COL27A1: variants seen among roughly 807,000 people sequenced by gnomAD.
COL27A1 encodes collagen alpha-1(XXVII) chain.
A neutral mutation model predicts 251.3 loss-of-function variants in COL27A1; 106 were observed. The observed-to-expected ratio is 0.42, with a 90% CI of 0.36 to 0.50. COL27A1 has a LOEUF of 0.50. Ranked by LOEUF, COL27A1 falls within the 20% of genes least tolerant of loss-of-function variation. COL27A1 has a pLI of 0.00. For missense variants in COL27A1, 2,325 were observed against 2,522.8 expected, an observed-to-expected ratio of 0.92 and a Z score of 1.68; for synonymous variants, 1,000 against 986.3, an observed-to-expected ratio of 1.01 and a Z score of -0.26.
intron 37 of COL27A1, among the ~76,000 whole-genome samples, chr9:114,277,473 C>A (rs1426924704): frequency 6.6e-6 from 1 of 152,170 alleles, no homozygotes; most frequent in Non-Finnish European, 1.5e-5. Flanking sequence ...TTTTTCCCCC[C>A]TGAAGTGTTT....
intron 58 of COL27A1, chr9:114,307,339 A>T (rs1346135792): frequency 4.2e-6 from 1 of 239,670 alleles, no homozygotes; most frequent in African/African-American, 2.3e-5. Context: ...CGAAGAATCC[A>T]TTCAACTAGG....
At chr9:114,258,015 T>C (rs1271854582) in intron 27 of COL27A1, among the ~76,000 whole-genome samples, 3 of 152,018 alleles carry the variant, frequency 2.0e-5, no homozygotes, top group Non-Finnish European at 4.4e-5. Flanking sequence ...CTGGTCAAGA[T>C]AGTGAGACCC....
At chr9:114,301,158 G>A in intron 52 of COL27A1, 33 bp downstream of exon 52, 2 of 1,613,480 alleles carry the variant, frequency 1.2e-6, no homozygotes, top group Non-Finnish European at 1.7e-6. Context: ...AAGACTCCGG[G>A]GTCCCCTTGC....
rs774816263 is a variant in COL27A1, at chr9:114,168,605, T to G, written c.1050T>G (p.Pro350=). 3 of 1,614,142 alleles carry G rather than the reference T, an allele frequency of 1.9e-6. No homozygotes were observed. The Admixed American group carries it at 5.0e-5, about 27-fold the overall frequency. Residue 350 remains proline, a synonymous_variant, in exon 3 of 61, where the codon CCT becomes CCG. Transcript: ENST00000356083. ...GCGGCTCTACCAGAACGCCTCGCCC[T>G]GCGGCCGCTCAACCATCACAGAAGA... The part of the protein sequence containing the change: ...SVGGSTRTPR[P]AAAQPSQKIT...
chr9:114,232,594 A>G (rs1771522005), intron 16 of COL27A1, among the ~76,000 whole-genome samples: 1 of 152,216 alleles, frequency 6.6e-6, no homozygotes, highest in South Asian at 2.1e-4. Context: ...CCAAGTATCC[A>G]TGAGACATCC....
intron 28 of COL27A1, among the ~76,000 whole-genome samples, chr9:114,260,937 G>C (rs1036649736): frequency 5.3e-5 from 8 of 152,326 alleles, no homozygotes; most frequent in African/African-American, 1.7e-4. Flanking sequence ...CTCTTCCCCT[G>C]CCTGTGGGTG....
intron 59 of COL27A1, among the ~76,000 whole-genome samples, chr9:114,308,645 G>A (rs1323802438): frequency 6.6e-6 from 1 of 152,218 alleles, no homozygotes. Flanking sequence ...TTGGGATCAC[G>A]CAGCAAACCT....
chr9:114,264,941 G>A lies in COL27A1; in HGVS notation c.3267G>A (p.Gln1089=). 1 of 1,613,298 alleles carries A rather than the reference G, an allele frequency of 6.2e-7. No individual in the cohort carries two copies. The highest frequency in any genetic ancestry group is 8.5e-7 in the Non-Finnish European group (1 of 1,179,532). The change falls in exon 30 of 61, where the codon CAG becomes CAA. Residue 1089 remains glutamine, a synonymous_variant. Coordinates refer to ENST00000356083, the MANE Select transcript of COL27A1 (RefSeq NM_032888.4). ...TCCCACAGGGCCCTCCAGGACCCCA[G>A]GGCAGACCGGGCCGGCCTGGACAGC... is the stretch of plus-strand genomic sequence containing the variant. ...SRGLKGPPGP[Q]GRPGRPGQQG...
intron 2 of COL27A1, among the ~76,000 whole-genome samples, chr9:114,165,383 T>TATCC (rs943333660): frequency 1.4e-5 from 2 of 141,222 alleles, no homozygotes; most frequent in South Asian, 2.5e-4. Context: ...ATCCATCCAA[T>TATCC]ATCCATCCAT....
intron 14 of COL27A1, among the ~76,000 whole-genome samples, chr9:114,223,712 T>C (rs1337189584): frequency 1.3e-5 from 2 of 152,212 alleles, no homozygotes; most frequent in Admixed American, 1.3e-4. Context: ...CTACCACTCA[T>C]GTAATCACAA....
intron 32 of COL27A1, among the ~76,000 whole-genome samples, 155 bp from the exon 33 acceptor site, chr9:114,266,410 G>A (rs1834744400): frequency 6.6e-6 from 1 of 152,072 alleles, no homozygotes; most frequent in Admixed American, 6.5e-5. Context: ...AAGAGGGGCT[G>A]CAGACACCAG....
intron 3 of COL27A1, among the ~76,000 whole-genome samples, chr9:114,175,148 CGA>C (rs1827316510): frequency 1.1e-5 from 1 of 95,086 alleles, no homozygotes; most frequent in Admixed American, 1.1e-4. Context: ...GGGGAAGCCC[CGA>C]GGGGTCTGCT....
chr9:114,167,066 C>G (rs62555367), intron 2 of COL27A1, among the ~76,000 whole-genome samples: 39 of 152,220 alleles, frequency 2.6e-4, no homozygotes, highest in African/African-American at 9.4e-4. Flanking sequence ...CTGTCAGACC[C>G]CTAGGACATC....
chr9:114,309,523 G>A lies in COL27A1; in HGVS notation c.5436+45G>A, dbSNP rs766109407. ...CTAGGCCCTTCATGTGGGGACAACT[G>A]GAAAAACACTTGTTTGGAAAAATGT... On this transcript the variant is annotated intron_variant, in intron 60 of 60. Coordinates refer to ENST00000356083, the MANE Select transcript of COL27A1 (RefSeq NM_032888.4). 4.1e-6 allele frequency: 6 copies of A among 1,467,744 alleles called. No individual in the cohort carries two copies. In the Admixed American group the frequency reaches 1.1e-4, roughly 27 times the overall value. 90.9% of individuals were successfully genotyped at this position (1,467,744 alleles called of 1,614,324 possible). A position where few individuals can be genotyped will look rare whatever the true frequency, so the allele number is the denominator to read the frequency against.
At position 114,231,153 on chromosome 9, in the gene COL27A1, C is replaced by T. The variant is rs115619888; in HGVS notation, c.2520+21C>T. The T allele has an allele frequency of 1.4e-3, 2,256 of 1,612,118 alleles. 23 individuals are homozygous for T. In the African/African-American group the frequency reaches 0.025, roughly 18 times the overall value. On this transcript the variant is annotated intron_variant, in intron 15 of 60. Transcript: ENST00000356083. ...TGAAGGTAAGCAAGGGATGTTCCCCCGATTCAGGCCTTGTCCAAGCTGGGC... is the reference window on the plus strand; with the variant it reads ...TGAAGGTAAGCAAGGGATGTTCCCCTGATTCAGGCCTTGTCCAAGCTGGGC...
At position 114,235,714 on chromosome 9, in the gene COL27A1, T is replaced by C. The variant is rs2015408; in HGVS notation, c.2619+62T>C. ...CCCCTGCCCTGCTGTTCCCCTGGTC[T>C]TGGCTTCCTTCCTAGGGTCCATCAT... On this transcript the variant is annotated intron_variant, in intron 17 of 60. Transcript: ENST00000356083. The C allele has an allele frequency of 0.8, 1,055,747 of 1,314,492 alleles. 428,906 individuals carry two copies. Among genetic ancestry groups the C allele is most frequent in the African/African-American group, 0.96 (66,668 of 69,130 alleles). The allele number at this position is 1,314,492 out of a possible 1,614,324, so 81.4% of individuals were successfully genotyped here.
rs553425745 is a variant in COL27A1 at position 114,194,142 on chromosome 9, C to A, written c.2017-262C>A. 2.0e-5 allele frequency among the ~76,000 whole-genome samples: 3 copies of A among 152,042 alleles called. No homozygotes were observed. In the East Asian group the frequency reaches 5.8e-4, roughly 29 times the overall value. On this transcript the variant is annotated intron_variant, in intron 5 of 60. Transcript: ENST00000356083. ...AGGAGAGCAGAGTCTAGATAGGGTGCCTGGGACTGGCTGGATTACAGAAGA... is the reference window on the plus strand; with the variant it reads ...AGGAGAGCAGAGTCTAGATAGGGTGACTGGGACTGGCTGGATTACAGAAGA...
chr9:114,222,288 G>A (rs1831167398), intron 14 of COL27A1, 21 bp downstream of exon 14: 1 of 1,610,148 alleles, frequency 6.2e-7, no homozygotes, highest in South Asian at 1.1e-5. Context: ...TGATGCCTGG[G>A]GCAGCAGGTG....
At chr9:114,266,909 G>T (rs917466217) in intron 33 of COL27A1, among the ~76,000 whole-genome samples, 2 of 152,158 alleles carry the variant, frequency 1.3e-5, no homozygotes, top group African/African-American at 2.4e-5. Context: ...TGGAAGCATG[G>T]ATGCTTCCCA....
Sources: allele counts gnomAD v4.1 joint callset (sites outside exome capture counted in the v4.1 genomes callset), GRCh38; gene constraint gnomAD v4.1.1; transcripts MANE v1.5; gene names NCBI Gene and HGNC (gene_info 2026-07-23, HGNC 2026-07-21).